HERC5: variants seen among roughly 807,000 people sequenced by gnomAD.
HERC5 encodes E3 ISG15--protein ligase HERC5.
In HERC5, 99 loss-of-function variants were observed where a neutral mutation model predicts 119.6. The ratio of observed to expected loss-of-function variants is 0.83; its 90% confidence interval spans 0.70 to 0.98. The LOEUF (loss-of-function observed/expected upper bound fraction) is 0.98, where lower values mean the gene tolerates loss of function less well. Among genes scored for constraint, HERC5 ranks in the 50% least tolerant of loss-of-function variants. HERC5 has a pLI of 0.00. For synonymous variants in HERC5, 478 were observed against 445.9 expected, an observed-to-expected ratio of 1.07 and a Z score of -0.91; for missense variants, 1,267 against 1,241.3, an observed-to-expected ratio of 1.02 and a Z score of -0.31.
intron 15 of HERC5, among the ~76,000 whole-genome samples, chr4:88,488,234 C>CT (rs1233602413): frequency 0.022 from 2,975 of 136,620 alleles, 50 homozygotes; most frequent in East Asian, 0.06. Context: ...CTTTTTTTTT[C>CT]TTTTTTTTTT....
At chr4:88,485,898 G>T (rs1037975192) in intron 13 of HERC5, among the ~76,000 whole-genome samples, 1 of 151,668 alleles carries the variant, frequency 6.6e-6, no homozygotes, top group Admixed American at 6.6e-5. Flanking sequence ...ATAACTAGAG[G>T]TTTATCATTA....
At chr4:88,503,584 A>G (rs767284841) in intron 20 of HERC5, among the ~76,000 whole-genome samples, 15 of 152,312 alleles carry the variant, frequency 9.8e-5, no homozygotes, top group Admixed American at 4.6e-4. Context: ...TTCCTGGTAT[A>G]TGACTCGGTT....
chr4:88,469,090 C>G (rs568115620), intron 8 of HERC5, 67 bp from the exon 9 acceptor site: 2 of 987,380 alleles, frequency 2.0e-6, no homozygotes, highest in Non-Finnish European at 3.2e-6. Context: ...TAGAGTGTAC[C>G]TAAAAGTTGG....
intron 10 of HERC5, among the ~76,000 whole-genome samples, chr4:88,471,081 C>T (rs575525122): frequency 6.6e-6 from 1 of 151,954 alleles, no homozygotes; most frequent in South Asian, 2.1e-4. Flanking sequence ...AAGCAGTCCT[C>T]CCACCTCAGC....
intron 1 of HERC5, 118 bp downstream of exon 1, chr4:88,457,652 C>G (rs952616417): frequency 1.8e-6 from 2 of 1,081,348 alleles, no homozygotes; most frequent in African/African-American, 3.3e-5. Context: ...AGGCCGCAGA[C>G]GCGCGCCTGG....
intron 11 of HERC5, chr4:88,472,932 T>C: frequency 6.5e-6 from 1 of 153,926 alleles, no homozygotes; most frequent in South Asian, 2.0e-4. Flanking sequence ...TTTTTTTTTT[T>C]TTTTTTCCAT....
chr4:88,476,055 T>C lies in HERC5; in HGVS notation c.1582+25T>C, dbSNP rs370900197. 2.5e-5 allele frequency: 39 copies of C among 1,569,830 alleles called. No individual in the cohort carries two copies. The African/African-American group carries it at 4.1e-4, about 16-fold the overall frequency. ...GGTAAGTTTGATCATTTGAAGATAC[T>C]TTACCTGTCTTCTCAGTGGAAAGAC... On this transcript the variant is annotated intron_variant, in intron 12 of 22. Coordinates refer to ENST00000264350, the MANE Select transcript of HERC5 (RefSeq NM_016323.4).
rs1195586345 is a variant in HERC5 at position 88,479,499 on chromosome 4, CT to C, written c.1730del (p.Leu577ArgfsTer4). 11 of 1,598,494 alleles carry C rather than the reference CT, an allele frequency of 6.9e-6. No individual in the cohort carries two copies. Among genetic ancestry groups the C allele is most frequent in the Non-Finnish European group, 8.5e-6 (10 of 1,175,110 alleles). ...VQALLEMLKK[L>X]HRVNQVKCQL... ...AGCTCTCCTAGAAATGTTGAAGAAG[CT>C]GCACAGGGTAAGAGTTCCTTTAGAA... On this transcript the variant is annotated frameshift_variant, in exon 13 of 23. Transcript: ENST00000264350. LOFTEE classifies it high-confidence loss of function.
chr4:88,487,659 A>G (rs138766192), intron 15 of HERC5, among the ~76,000 whole-genome samples: 2 of 152,304 alleles, frequency 1.3e-5, no homozygotes, highest in African/African-American at 2.4e-5. Context: ...AGAGGTTTGT[A>G]CAGATTCCTC....
At position 88,457,179 on chromosome 4, in the gene HERC5, C is replaced by T. The variant is rs1381259929; in HGVS notation, c.-91C>T. 2 of 1,237,360 alleles carry T rather than the reference C, an allele frequency of 1.6e-6. No homozygotes were observed. Among genetic ancestry groups the T allele is most frequent in the Non-Finnish European group, 2.0e-6 (2 of 989,866 alleles). The allele number at this position is 1,237,360 out of a possible 1,614,324, so 76.6% of individuals were successfully genotyped here. A position where few individuals can be genotyped will look rare whatever the true frequency, so the allele number is the denominator to read the frequency against. On this transcript the variant is annotated 5_prime_UTR_variant, in exon 1 of 23. Coordinates refer to ENST00000264350, the MANE Select transcript of HERC5 (RefSeq NM_016323.4). ...CTGCGCGCAGCTGGTTCCCGCTCTGCAGCGCAACGCCTGAGGCAGTGGGCG... is the reference window on the plus strand; with the variant it reads ...CTGCGCGCAGCTGGTTCCCGCTCTGTAGCGCAACGCCTGAGGCAGTGGGCG...
At chr4:88,481,732 G>A (rs1328070732) in intron 13 of HERC5, among the ~76,000 whole-genome samples, 1 of 152,098 alleles carries the variant, frequency 6.6e-6, no homozygotes, top group African/African-American at 2.4e-5. Flanking sequence ...AGCAGCCACA[G>A]GCAATACAAA....
intron 13 of HERC5, among the ~76,000 whole-genome samples, chr4:88,481,661 T>C (rs964051105): frequency 1.2e-4 from 19 of 152,196 alleles, no homozygotes; most frequent in African/African-American, 4.6e-4. Flanking sequence ...ATTTTAGGCT[T>C]TATGAGGCAT....
chr4:88,458,801 T>C (rs1187420608), intron 1 of HERC5, among the ~76,000 whole-genome samples: 1 of 152,206 alleles, frequency 6.6e-6, no homozygotes, highest in Non-Finnish European at 1.5e-5. Flanking sequence ...AAATGTGCAC[T>C]AATGCCAATG....
At chr4:88,494,392 A>C in intron 18 of HERC5, 61 bp downstream of exon 18, 1 of 1,331,730 alleles carries the variant, frequency 7.5e-7, no homozygotes, top group East Asian at 2.4e-5. Context: ...CAAATATTTA[A>C]GTACACACGC....
chr4:88,488,600 CTG>C (rs1399693888), intron 15 of HERC5, among the ~76,000 whole-genome samples: 2 of 152,086 alleles, frequency 1.3e-5, no homozygotes, highest in Non-Finnish European at 2.9e-5. Flanking sequence ...GTCTGTCTGT[CTG>C]TCTCTCCCAC....
chr4:88,498,888 A>G (rs139012623), intron 18 of HERC5, among the ~76,000 whole-genome samples: 121 of 152,320 alleles, frequency 7.9e-4, no homozygotes, highest in Non-Finnish European at 1.4e-3. Flanking sequence ...GTATTTTAGA[A>G]GCAGGTAACT....
At chr4:88,471,213 A>C (rs1355207472) in intron 10 of HERC5, among the ~76,000 whole-genome samples, 1 of 151,566 alleles carries the variant, frequency 6.6e-6, no homozygotes, top group South Asian at 2.1e-4. Flanking sequence ...CAGGCAATCT[A>C]CCAGCCTTGG....
intron 3 of HERC5, 117 bp downstream of exon 3, chr4:88,460,288 T>A: frequency 2.0e-6 from 1 of 507,006 alleles, no homozygotes; most frequent in Admixed American, 3.9e-5. Context: ...TTGAATTTGA[T>A]ATGGTTCCGA....
intron 10 of HERC5, 24 bp downstream of exon 10, chr4:88,470,697 G>A (rs1330078163): frequency 9.9e-7 from 1 of 1,008,098 alleles, no homozygotes; most frequent in South Asian, 1.4e-5. Context: ...TAAATTAATT[G>A]TATTAAATTG....
Sources: allele counts gnomAD v4.1 joint callset (sites outside exome capture counted in the v4.1 genomes callset), GRCh38; gene constraint gnomAD v4.1.1; transcripts MANE v1.5; gene names NCBI Gene and HGNC (gene_info 2026-07-23, HGNC 2026-07-21).